Variants in AGBL4 observed in about 807,000 individuals in gnomAD.
AGBL4 encodes the protein AGBL carboxypeptidase 4, also known as cytosolic carboxypeptidase 6.
In AGBL4, 58 loss-of-function variants were observed where a neutral mutation model predicts 66.4. That is an observed-to-expected ratio of 0.87 (90% CI 0.71 to 1.09). The LOEUF is 1.09. Among genes scored for constraint, AGBL4 ranks in the 50% least tolerant of loss-of-function variants. AGBL4 has a pLI of 0.00. For synonymous variants in AGBL4, 234 were observed against 222.9 expected, an observed-to-expected ratio of 1.05 and a Z score of -0.44; for missense variants, 579 against 631.0, an observed-to-expected ratio of 0.92 and a Z score of 0.88.
At chr1:49,622,767 T>C (rs1026571248) in intron 3 of AGBL4, among the ~76,000 whole-genome samples, 1 of 150,300 alleles carries the variant, frequency 6.7e-6, no homozygotes, top group Admixed American at 6.7e-5. Flanking sequence ...GCTCAGAAAA[T>C]GCGAGCCATC....
At chr1:48,719,312 C>G (rs1306995403) in intron 6 of AGBL4, among the ~76,000 whole-genome samples, 3 of 152,212 alleles carry the variant, frequency 2.0e-5, no homozygotes, top group Non-Finnish European at 4.4e-5. Context: ...CACTCCCCAT[C>G]TGCACCATTG....
intron 11 of AGBL4, among the ~76,000 whole-genome samples, chr1:48,583,607 G>A (rs1291615363): frequency 6.6e-6 from 1 of 152,202 alleles, no homozygotes; most frequent in African/African-American, 2.4e-5. Context: ...TGGTCCCTTT[G>A]TAATGGTGAG....
chr1:49,591,457 C>T (rs1644749972), intron 3 of AGBL4, among the ~76,000 whole-genome samples: 2 of 151,890 alleles, frequency 1.3e-5, no homozygotes, highest in South Asian at 4.1e-4. Flanking sequence ...TCTGAATAGG[C>T]CTGTATTAAG....
At chr1:48,579,539 C>A (rs936993461) in intron 11 of AGBL4, among the ~76,000 whole-genome samples, 2 of 151,552 alleles carry the variant, frequency 1.3e-5, no homozygotes, top group African/African-American at 2.4e-5. Flanking sequence ...CTGCGCCCAG[C>A]CCCATATTGT....
intron 3 of AGBL4, among the ~76,000 whole-genome samples, chr1:49,370,166 T>A (rs1446126843): frequency 6.8e-6 from 1 of 147,754 alleles, no homozygotes. Flanking sequence ...TTATATATAA[T>A]ATATAATTGT....
Position 48,653,375 on chromosome 1 carries a change from T to C in AGBL4, c.801A>G (p.Pro267=), listed in dbSNP as rs752601652. 1.3e-6 allele frequency: 2 copies of C among 1,586,750 alleles called. No homozygotes were observed. The highest frequency in any genetic ancestry group is 2.3e-5 in the East Asian group (1 of 43,874). ...LREYLVFKIA[P]MLNPDGVYLG... is the part of the protein sequence containing the mutation. Reference sequence around the variant, plus strand: ...GGTAGACTCCATCAGGATTGAGCATTGGTGCGATCTTGAAGACCAGGTATT... The same window carrying C: ...GGTAGACTCCATCAGGATTGAGCATCGGTGCGATCTTGAAGACCAGGTATT... The change falls in exon 8 of 14, where the codon CCA becomes CCG. Residue 267 remains proline, a synonymous_variant. Transcript: ENST00000371839.
intron 3 of AGBL4, among the ~76,000 whole-genome samples, chr1:49,495,737 G>A (rs1258221081): frequency 6.6e-6 from 1 of 151,960 alleles, no homozygotes; most frequent in African/African-American, 2.4e-5. Flanking sequence ...TTTAAAAAAA[G>A]GGGAGGTATT....
intron 3 of AGBL4, among the ~76,000 whole-genome samples, chr1:49,406,436 T>C (rs1392011930): frequency 6.6e-6 from 1 of 152,204 alleles, no homozygotes; most frequent in Non-Finnish European, 1.5e-5. Flanking sequence ...AGACTTTTAT[T>C]CATGAAGATG....
At chr1:49,375,591 C>T (rs1490722297) in intron 3 of AGBL4, among the ~76,000 whole-genome samples, 1 of 151,922 alleles carries the variant, frequency 6.6e-6, no homozygotes, top group East Asian at 1.9e-4. Context: ...ACATTTCCAG[C>T]AAAACCAAAG....
chr1:49,187,008 A>T (rs1206050823), intron 4 of AGBL4, among the ~76,000 whole-genome samples: 1 of 152,168 alleles, frequency 6.6e-6, no homozygotes, highest in African/African-American at 2.4e-5. Context: ...AAATATACCA[A>T]ATTTCTTTGG....
chr1:48,617,877 C>T (rs947084376), intron 9 of AGBL4, among the ~76,000 whole-genome samples: 2 of 152,102 alleles, frequency 1.3e-5, no homozygotes, highest in Admixed American at 1.3e-4. Flanking sequence ...AGTCCAGGTG[C>T]TTTTTTAAAA....
intron 3 of AGBL4, among the ~76,000 whole-genome samples, chr1:49,647,754 G>GA (rs1460327518): frequency 6.6e-6 from 1 of 151,070 alleles, no homozygotes; most frequent in Non-Finnish European, 1.5e-5. Context: ...GAGAGAAGGG[G>GA]AATACCCACC....
intron 6 of AGBL4, among the ~76,000 whole-genome samples, chr1:48,832,069 A>T (rs186515814): frequency 6.6e-5 from 10 of 152,316 alleles, no homozygotes; most frequent in Non-Finnish European, 2.9e-5. Flanking sequence ...AAAATGAGTC[A>T]GAGAGATTAA....
chr1:49,253,710 CAAA>C (rs779751943), intron 3 of AGBL4, among the ~76,000 whole-genome samples: 1 of 115,010 alleles, frequency 8.7e-6, no homozygotes, highest in African/African-American at 3.2e-5. Flanking sequence ...CTGGCAGAGA[CAAA>C]AAAAAAAAAA....
chr1:49,613,782 T>C (rs936362243), intron 3 of AGBL4, among the ~76,000 whole-genome samples: 2 of 152,258 alleles, frequency 1.3e-5, no homozygotes, highest in Middle Eastern at 3.4e-3. Context: ...ATAATAATAA[T>C]AAAGTGTGCA....
At chr1:49,503,054 GC>G (rs1648323963) in intron 3 of AGBL4, among the ~76,000 whole-genome samples, 1 of 152,076 alleles carries the variant, frequency 6.6e-6, no homozygotes, top group Non-Finnish European at 1.5e-5. Flanking sequence ...AGACCCAGGG[GC>G]CAAGGAGGGA....
At chr1:48,784,807 C>T (rs1011672929) in intron 6 of AGBL4, among the ~76,000 whole-genome samples, 1 of 152,074 alleles carries the variant, frequency 6.6e-6, no homozygotes, top group Non-Finnish European at 1.5e-5. Context: ...CAGCATTTTA[C>T]TAGTAGTATA....
intron 4 of AGBL4, among the ~76,000 whole-genome samples, chr1:49,228,483 A>G (rs1040055437): frequency 6.6e-6 from 1 of 152,194 alleles, no homozygotes; most frequent in Non-Finnish European, 1.5e-5. Context: ...TTGAGGATAA[A>G]TAAGAGTAAA....
intron 5 of AGBL4, among the ~76,000 whole-genome samples, chr1:49,037,601 A>G (rs1193298420): frequency 6.6e-6 from 1 of 152,074 alleles, no homozygotes; most frequent in Non-Finnish European, 1.5e-5. Flanking sequence ...GTCAGGACAC[A>G]CCATAGCATC....
Sources: allele counts gnomAD v4.1 joint callset (sites outside exome capture counted in the v4.1 genomes callset), GRCh38; gene constraint gnomAD v4.1.1; transcripts MANE v1.5; gene names NCBI Gene and HGNC (gene_info 2026-07-23, HGNC 2026-07-21).